The following AK9 variants were observed in gnomAD, a reference collection of about 807,000 sequenced individuals.
The protein encoded by AK9 is adenylate kinase domain containing 1.
AK9 carries 191 observed loss-of-function variants against 239.6 expected under a neutral mutation model. That is an observed-to-expected ratio of 0.80 (90% CI 0.71 to 0.90). AK9 has a LOEUF of 0.90. Among genes scored for constraint, AK9 ranks in the 40% least tolerant of loss-of-function variants. The pLI is 0.00. For synonymous variants in AK9, 689 were observed against 721.0 expected, an observed-to-expected ratio of 0.96 and a Z score of 0.71; for missense variants, 1,995 against 2,214.7, an observed-to-expected ratio of 0.90 and a Z score of 1.99.
intron 6 of AK9, among the ~76,000 whole-genome samples, chr6:109,661,179 T>C (rs1168794893): frequency 6.6e-6 from 1 of 152,196 alleles, no homozygotes; most frequent in African/African-American, 2.4e-5. Context: ...GATACTCTGG[T>C]TACCCTGTAG....
chr6:109,684,703 T>G (rs1425871486), intron 1 of AK9, among the ~76,000 whole-genome samples: 1 of 136,132 alleles, frequency 7.3e-6, no homozygotes, highest in Non-Finnish European at 1.6e-5. Flanking sequence ...TGAAACCCCG[T>G]CTCTACTAAA....
At chr6:109,639,586 C>T (rs1797144797) in intron 10 of AK9, among the ~76,000 whole-genome samples, 1 of 150,236 alleles carries the variant, frequency 6.7e-6, no homozygotes, top group Non-Finnish European at 1.5e-5. Flanking sequence ...AATTTTCTCC[C>T]ATTCTGTAGG....
At chr6:109,576,434 T>C in intron 20 of AK9, among the ~76,000 whole-genome samples, 1 of 149,396 alleles carries the variant, frequency 6.7e-6, no homozygotes, top group Non-Finnish European at 1.5e-5. Flanking sequence ...TTTTTTTTTT[T>C]TTTGCAGCTG....
chr6:109,675,838 G>T (rs1288738761), intron 1 of AK9, 82 bp from the exon 2 acceptor site: 3 of 784,926 alleles, frequency 3.8e-6, no homozygotes, highest in African/African-American at 1.8e-5. Context: ...TAACCTGTGA[G>T]TTTTCTTAGC....
intron 6 of AK9, chr6:109,660,947 T>C (rs747671417): frequency 2.0e-6 from 1 of 508,588 alleles, no homozygotes; most frequent in Non-Finnish European, 3.9e-6. Flanking sequence ...TAGCACAGAA[T>C]CCTTTAGAAC....
chr6:109,671,985 T>C lies in AK9; in HGVS notation c.265A>G (p.Ile89Val), dbSNP rs1213999127. 1 of 1,613,940 alleles carries C rather than the reference T, an allele frequency of 6.2e-7. No individual in the cohort carries two copies. The highest frequency in any genetic ancestry group is 8.5e-7 in the Non-Finnish European group (1 of 1,179,968). ...LQSMLISGQS[I>V]PDELVIKLML... is the part of the protein sequence containing the mutation. Reference sequence around the variant, plus strand: ...AGCTTTATGACAAGTTCATCTGGAATGCTTTGACCGCTGATCAACATTGAT... The same window carrying C: ...AGCTTTATGACAAGTTCATCTGGAACGCTTTGACCGCTGATCAACATTGAT... Residue 89 changes from isoleucine (I) to valine (V), a missense_variant, in exon 5 of 41, where the codon ATT (isoleucine) becomes GTT (valine). By Grantham distance (29) the Ile-to-Val change is conservative (BLOSUM62 3). Coordinates refer to ENST00000424296, the MANE Select transcript of AK9 (RefSeq NM_001145128.3).
At chr6:109,624,206 T>C (rs1482855419) in intron 12 of AK9, among the ~76,000 whole-genome samples, 1 of 152,098 alleles carries the variant, frequency 6.6e-6, no homozygotes, top group African/African-American at 2.4e-5. Context: ...TACCCCAAAC[T>C]GGATTGGTTA....
In AK9 at chr6:109,662,589, T is replaced by C; in HGVS notation, c.406A>G (p.Asn136Asp). The C allele has an allele frequency of 6.3e-7, 1 of 1,584,750 alleles. No individual in the cohort carries two copies. Among genetic ancestry groups the C allele is most frequent in the Non-Finnish European group, 8.6e-7 (1 of 1,164,690 alleles). ...ATAACATCAGGTTTCAGGTTTAAGT[T>C]TTTAATTAATTCTATTTGCTGTAAG... Reference protein sequence around the residue: ...TTLQQIELIKNLNLKPDVIIN... With the variant: ...TTLQQIELIKDLNLKPDVIIN... The change falls in exon 6 of 41, where the codon AAC becomes GAC. Residue 136 changes from asparagine to aspartate, a missense_variant. Around this residue, in one of 5 missense-constraint regions of AK9, gnomAD observed 252 missense variants for 246.4 expected, o/e 1.02. Transcript: ENST00000424296.
chr6:109,624,078 C>T (rs1341926582), intron 12 of AK9, among the ~76,000 whole-genome samples: 2 of 151,386 alleles, frequency 1.3e-5, no homozygotes, highest in East Asian at 1.9e-4. Context: ...GCTTAGTTTT[C>T]TATATACCTA....
intron 19 of AK9, among the ~76,000 whole-genome samples, 178 bp from the exon 20 acceptor site, chr6:109,579,804 G>C (rs912412471): frequency 6.6e-6 from 1 of 151,978 alleles, no homozygotes; most frequent in Non-Finnish European, 1.5e-5. Context: ...TTTCTTCTGG[G>C]GGAGAAAAAC....
chr6:109,528,285 T>C (rs1780767849), intron 29 of AK9: 1 of 353,468 alleles, frequency 2.8e-6, no homozygotes, highest in African/African-American at 2.1e-5. Flanking sequence ...GCATGACACC[T>C]TAAACAGAGC....
intron 8 of AK9, among the ~76,000 whole-genome samples, chr6:109,646,466 G>A (rs1798077643): frequency 6.6e-6 from 1 of 152,080 alleles, no homozygotes; most frequent in African/African-American, 2.4e-5. Flanking sequence ...TTCAGTAGCT[G>A]ATTCAATCAA....
At chr6:109,612,667 T>C (rs548451025) in intron 15 of AK9, among the ~76,000 whole-genome samples, 1 of 152,014 alleles carries the variant, frequency 6.6e-6, no homozygotes, top group South Asian at 2.1e-4. Flanking sequence ...CTGTGTGTGT[T>C]AAGGGAGGAG....
intron 24 of AK9, 188 bp from the exon 25 acceptor site, chr6:109,550,490 T>G: frequency 3.3e-5 from 15 of 457,964 alleles, no homozygotes; most frequent in Admixed American, 4.0e-5. Context: ...TAAGTGCACA[T>G]TCTAAGTTTC....
chr6:109,495,512 G>A, intron 38 of AK9, 72 bp from the exon 39 acceptor site: 1 of 1,093,958 alleles, frequency 9.1e-7, no homozygotes, highest in East Asian at 2.5e-5. Flanking sequence ...ATAGACAAGA[G>A]ACTATTAGAA....
At chr6:109,642,749 T>C (rs191514509) in intron 9 of AK9, among the ~76,000 whole-genome samples, 181 of 152,224 alleles carry the variant, frequency 1.2e-3, no homozygotes, top group Admixed American at 1.9e-3. Flanking sequence ...TTGCATTTAC[T>C]GAAAAAGGAG....
At chr6:109,586,411 A>G (rs1307432129) in intron 17 of AK9, among the ~76,000 whole-genome samples, 2 of 152,122 alleles carry the variant, frequency 1.3e-5, no homozygotes, top group Non-Finnish European at 2.9e-5. Context: ...CTAATGAGAC[A>G]ACGACAACCA....
chr6:109,541,026 C>T (rs73523142), intron 27 of AK9, among the ~76,000 whole-genome samples: 1 of 152,182 alleles, frequency 6.6e-6, no homozygotes, highest in Non-Finnish European at 1.5e-5. Context: ...TTGGCCCTCT[C>T]CCCTGGCTCC....
rs756789668 is a variant in AK9, at chr6:109,580,913, TG to T, written c.2115-1288del. Among the ~76,000 whole-genome samples, 332 of 143,820 alleles carry T rather than the reference TG, an allele frequency of 2.3e-3. 1 individual carries two copies. Among genetic ancestry groups the T allele is most frequent in the Non-Finnish European group, 3.8e-3 (243 of 64,536 alleles). The allele number at this position is 143,820 out of a possible 152,430, so 94.4% of individuals were successfully genotyped here. A position where few individuals can be genotyped will look rare whatever the true frequency, so the allele number is the denominator to read the frequency against. ...CTTTACAGATATCGTGGTTTTTTTT[TG>T]TGTTTTTTTGTTTTGTTTTACAAGT... On this transcript the variant is annotated intron_variant, in intron 19 of 40. Transcript: ENST00000424296.
Sources: gnomAD v4.1 joint callset for allele counts (sites outside exome capture counted in the v4.1 genomes callset) on GRCh38, gnomAD v4.1.1 for gene constraint, gnomAD v4.1.1 regional missense constraint, MANE v1.5 for transcripts, NCBI Gene and HGNC (gene_info 2026-07-23, HGNC 2026-07-21) for gene names.